OPTC: variants seen among roughly 807,000 people sequenced by gnomAD.
The protein encoded by OPTC is opticin, also known as oculoglycan.
In OPTC, 22 loss-of-function variants were observed where a neutral mutation model predicts 25.4. The observed-to-expected ratio is 0.87, with a 90% CI of 0.62 to 1.24. The LOEUF (loss-of-function observed/expected upper bound fraction) is 1.24, where lower values mean the gene tolerates loss of function less well. Ranked by LOEUF, OPTC falls within the 50% of genes most tolerant of loss-of-function variation. The pLI, the probability that OPTC is intolerant of heterozygous loss-of-function variation, is 0.00. For synonymous variants in OPTC, 169 were observed against 179.3 expected, an observed-to-expected ratio of 0.94 and a Z score of 0.46; for missense variants, 417 against 425.2, an observed-to-expected ratio of 0.98 and a Z score of 0.17.
At chr1:203,498,593 G>T (rs1661315698) in intron 3 of OPTC, 88 bp from the exon 4 acceptor site, 17 of 1,527,672 alleles carry the variant, frequency 1.1e-5, no homozygotes, top group Non-Finnish European at 1.5e-5. Flanking sequence ...GGCACAGATG[G>T]CCATGGTTCA....
intron 4 of OPTC, 31 bp downstream of exon 4, chr1:203,498,870 G>A: frequency 6.2e-7 from 1 of 1,611,982 alleles, no homozygotes. Flanking sequence ...AGAGGAGTGG[G>A]GGCAGGCATA....
At chr1:203,506,152 CTTTTTTTTTT>C (rs1211629662) in intron 7 of OPTC, among the ~76,000 whole-genome samples, 1 of 140,586 alleles carries the variant, frequency 7.1e-6, no homozygotes. Flanking sequence ...TTTCTTTTTT[CTTTTTTTTTT>C]TTTTTTGAGA....
chr1:203,499,955 C>A, intron 5 of OPTC, 104 bp downstream of exon 5: 1 of 946,758 alleles, frequency 1.1e-6, no homozygotes, highest in Non-Finnish European at 1.7e-6. Flanking sequence ...CCACCACCCA[C>A]CTCCACCTCT....
chr1:203,498,755 C>T lies in OPTC; in HGVS notation c.445C>T (p.Pro149Ser), dbSNP rs865916589. Reference sequence around the variant, plus strand: ...CGATGACATTGACCTAGAGGACATTCCTCCTCTTCCTCGGAGGACTGCCTA... The same window carrying T: ...CGATGACATTGACCTAGAGGACATTTCTCCTCTTCCTCGGAGGACTGCCTA... ...YCDDIDLEDI[P>S]PLPRRTAYLY... The change falls in exon 4 of 8, where the codon CCT (proline) becomes TCT (serine). Residue 149 changes from proline to serine, a missense_variant. Physicochemically the swap from Pro to Ser is moderately conservative, Grantham distance 74. Coordinates refer to ENST00000367222, the MANE Select transcript of OPTC (RefSeq NM_014359.4). 6.2e-7 allele frequency: 1 copy of T among 1,614,010 alleles called. No homozygotes were observed. Among genetic ancestry groups the T allele is most frequent in the African/African-American group, 1.3e-5 (1 of 75,050 alleles).
intron 5 of OPTC, among the ~76,000 whole-genome samples, chr1:203,500,489 C>T (rs1047938940): frequency 1.4e-5 from 2 of 146,250 alleles, no homozygotes; most frequent in African/African-American, 5.4e-5. Context: ...CACTACCCAC[C>T]TGTACCACCC....
rs1184101216 is a variant in OPTC, at chr1:203,508,747, G to T, written c.*127G>T. 6.6e-6 allele frequency: 1 copy of T among 152,292 alleles called. No individual in the cohort carries two copies. Among genetic ancestry groups the T allele is most frequent in the African/African-American group, 2.4e-5 (1 of 41,536 alleles). 9.4% of individuals were successfully genotyped at this position (152,292 alleles called of 1,614,324 possible). On this transcript the variant is annotated 3_prime_UTR_variant, in exon 8 of 8. Coordinates refer to ENST00000367222, the MANE Select transcript of OPTC (RefSeq NM_014359.4). ...AGCATGGACAAAGGTCTCCATGCAG[G>T]GGGAGGAGGCCTGCTTCTTTCCCCA...
intron 7 of OPTC, among the ~76,000 whole-genome samples, chr1:203,505,127 C>A (rs1263799768): frequency 6.6e-6 from 1 of 152,158 alleles, no homozygotes; most frequent in Non-Finnish European, 1.5e-5. Context: ...GCAGGGAATT[C>A]ACTTACTCAC....
chr1:203,500,823 T>C (rs1046025966), intron 5 of OPTC, among the ~76,000 whole-genome samples: 28 of 152,196 alleles, frequency 1.8e-4, no homozygotes, highest in African/African-American at 6.8e-4. Context: ...GTACTGGGAA[T>C]GGGGGTTCAG....
intron 7 of OPTC, among the ~76,000 whole-genome samples, chr1:203,506,111 A>G (rs975345839): frequency 6.6e-6 from 1 of 151,196 alleles, no homozygotes; most frequent in African/African-American, 2.4e-5. Flanking sequence ...AGTTCTCCAA[A>G]TGCAAGAGAT....
rs781388816 is a variant in OPTC at position 203,503,701 on chromosome 1, C to T, written c.980C>T (p.Pro327Leu). Residue 327 changes from proline to leucine, a missense_variant, in exon 7 of 8, where the codon CCC becomes CTC. Transcript: ENST00000367222. ...GCCTACTTCTGCCTGCCTCGGCTCC[C>T]CATCGGCCGCTTCACGTAGCTCGGA... is the stretch of plus-strand genomic sequence containing the variant. ...PSAYFCLPRL[P>L]IGRFT is the part of the protein sequence containing the mutation. 7 of 1,608,844 alleles carry T rather than the reference C, an allele frequency of 4.4e-6. No individual in the cohort carries two copies. The highest frequency in any genetic ancestry group is 3.4e-6 in the Non-Finnish European group (4 of 1,180,002).
At position 203,496,925 on chromosome 1, in the gene OPTC, G is replaced by A; in HGVS notation, c.232-52G>A. 4 of 1,606,952 alleles carry A rather than the reference G, an allele frequency of 2.5e-6. No homozygotes were observed. In the South Asian group the frequency reaches 3.3e-5, roughly 13 times the overall value. ...TGAGGTTCCCAGAGTCCAAAGTTAA[G>A]TCCCTTTTGTGCAAAAGCTGGGCTA... is the stretch of plus-strand genomic sequence containing the variant. On this transcript the variant is annotated intron_variant, in intron 2 of 7. Transcript: ENST00000367222.
chr1:203,503,805 A>G (rs1661432935), intron 7 of OPTC, 60 bp downstream of exon 7: 2 of 1,423,094 alleles, frequency 1.4e-6, no homozygotes, highest in East Asian at 2.3e-5. Context: ...CCAATTCCTT[A>G]TCTTTAAACG....
At chr1:203,500,333 T>A (rs546246085) in intron 5 of OPTC, among the ~76,000 whole-genome samples, 75 of 30,816 alleles carry the variant, frequency 2.4e-3, no homozygotes, top group African/African-American at 1.0e-2. Context: ...ACCACCCACC[T>A]CCACCTCTAT....
At chr1:203,494,686 A>AT (rs768552566) in intron 1 of OPTC, among the ~76,000 whole-genome samples, 1 of 152,178 alleles carries the variant, frequency 6.6e-6, no homozygotes, top group Non-Finnish European at 1.5e-5. Context: ...GATAAAAAAA[A>AT]TTTTAAAAGA....
Position 203,498,837 on chromosome 1 carries a change from T to A in OPTC, c.527T>A (p.Leu176Gln), listed in dbSNP as rs781317726. The change falls in exon 4 of 8, where the codon CTG becomes CAG. Residue 176 changes from leucine (L) to glutamine (Q), a missense_variant and splice_region_variant. Leu to Gln is a moderately radical substitution (Grantham distance 113). Transcript: ENST00000367222. Reference sequence around the variant, plus strand: ...ATCAGGGCCGAAGACTTCAAAGGGCTGAGTATGTAATGCCCTGGGAAAAGA... The same window carrying A: ...ATCAGGGCCGAAGACTTCAAAGGGCAGAGTATGTAATGCCCTGGGAAAAGA... ...SRIRAEDFKG[L>Q]TKLKRIDLSN... 2 of 1,613,810 alleles carry A rather than the reference T, an allele frequency of 1.2e-6. No individual in the cohort carries two copies. The highest frequency in any genetic ancestry group is 3.3e-5 in the Admixed American group (2 of 60,018).
At position 203,499,711 on chromosome 1, in the gene OPTC, C is replaced by T. The variant is rs763537409; in HGVS notation, c.592C>T (p.Arg198Cys). Reference sequence around the variant, plus strand: ...TTCCTCCATCGATAATGATGCCTTCCGCCTGCTACATGCCCTCCAGGACCT... The same window carrying T: ...TTCCTCCATCGATAATGATGCCTTCTGCCTGCTACATGCCCTCCAGGACCT... ...LISSIDNDAF[R>C]LLHALQDLIL... The change falls in exon 5 of 8, where the codon CGC (arginine) becomes TGC (cysteine). Residue 198 changes from arginine (R) to cysteine (C), a missense_variant. Coordinates refer to ENST00000367222, the MANE Select transcript of OPTC (RefSeq NM_014359.4). 58 of 1,613,450 alleles carry T rather than the reference C, an allele frequency of 3.6e-5. No homozygotes were observed. The highest frequency in any genetic ancestry group is 6.7e-5 in the African/African-American group (5 of 74,814).
Position 203,496,198 on chromosome 1 carries a change from T to C in OPTC, c.193T>C (p.Tyr65His). The C allele has an allele frequency of 6.2e-7, 1 of 1,614,074 alleles. No homozygotes were observed. The highest frequency in any genetic ancestry group is 8.5e-7 in the Non-Finnish European group (1 of 1,179,980). The change falls in exon 2 of 8, where the codon TAT (tyrosine) becomes CAT (histidine). Residue 65 changes from tyrosine to histidine, a missense_variant. Coordinates refer to ENST00000367222, the MANE Select transcript of OPTC (RefSeq NM_014359.4). ...NYGEVIDLSN[Y>H]EELTDYGDQL... is the part of the protein sequence containing the mutation. The stretch of plus-strand genomic sequence containing the variant: ...TGGTGAAGTCATTGACCTGAGCAAC[T>C]ATGAGGAGCTCACAGATTATGGGGA...
chr1:203,504,870 T>G (rs1286335836), intron 7 of OPTC, among the ~76,000 whole-genome samples: 1 of 152,210 alleles, frequency 6.6e-6, no homozygotes, highest in African/African-American at 2.4e-5. Context: ...GGCAGCCTTG[T>G]GCAAAGATAA....
rs773274556 is a variant in OPTC at position 203,502,979 on chromosome 1, G to T, written c.798G>T (p.Leu266Phe). The part of the protein sequence containing the change: ...DNLLDSIPGP[L>F]PLSLRSVHLQ... ...TGCTGGATTCTATCCCGGGGCCTTT[G>T]CCCCTGAGCCTGCGCTCTGTACACC... The change falls in exon 6 of 8, where the codon TTG becomes TTT. Residue 266 changes from leucine to phenylalanine, a missense_variant. By Grantham distance (22) the Leu-to-Phe change is conservative. Transcript: ENST00000367222. 1 of 1,613,920 alleles carries T rather than the reference G, an allele frequency of 6.2e-7. No homozygotes were observed. The highest frequency in any genetic ancestry group is 8.5e-7 in the Non-Finnish European group (1 of 1,180,034).
Sources: allele counts gnomAD v4.1 joint callset (sites outside exome capture counted in the v4.1 genomes callset), GRCh38; gene constraint gnomAD v4.1.1; transcripts MANE v1.5; gene names NCBI Gene and HGNC (gene_info 2026-07-23, HGNC 2026-07-21).